TRPC7: variants seen among roughly 807,000 people sequenced by gnomAD.
TRPC7 encodes the protein short transient receptor potential channel 7.
A neutral mutation model predicts 90.1 loss-of-function variants in TRPC7; 42 were observed. That is an observed-to-expected ratio of 0.47 (90% CI 0.36 to 0.60). The LOEUF (loss-of-function observed/expected upper bound fraction) is 0.60. Ranked by LOEUF, TRPC7 falls within the 20% of genes least tolerant of loss-of-function variation. TRPC7 has a pLI of 0.00. For missense variants in TRPC7, 955 were observed against 1,112.3 expected, an observed-to-expected ratio of 0.86 and a Z score of 2.01; for synonymous variants, 451 against 436.3, an observed-to-expected ratio of 1.03 and a Z score of -0.42.
chr5:136,223,681 G>C (rs1029415453), intron 10 of TRPC7, among the ~76,000 whole-genome samples: 1 of 151,966 alleles, frequency 6.6e-6, no homozygotes, highest in Admixed American at 6.6e-5. Flanking sequence ...TTTCAGAAAG[G>C]ATTCATTCTG....
chr5:136,354,392 C>T (rs1251151570), intron 2 of TRPC7, among the ~76,000 whole-genome samples: 1 of 152,192 alleles, frequency 6.6e-6, no homozygotes, highest in African/African-American at 2.4e-5. Context: ...GTGGTTGGGT[C>T]TCAGATGGGG....
intron 2 of TRPC7, among the ~76,000 whole-genome samples, chr5:136,334,565 A>C (rs1759593958): frequency 6.6e-6 from 1 of 151,958 alleles, no homozygotes; most frequent in Admixed American, 6.6e-5. Flanking sequence ...CTCAAAAGCA[A>C]CTCCAGGATG....
chr5:136,303,249 C>G (rs977272748), intron 3 of TRPC7, among the ~76,000 whole-genome samples: 2 of 152,098 alleles, frequency 1.3e-5, no homozygotes, highest in South Asian at 4.2e-4. Context: ...TTGGCAGCAA[C>G]CCTGAGACAC....
At chr5:136,326,756 T>C (rs1251392656) in intron 2 of TRPC7, among the ~76,000 whole-genome samples, 2 of 152,128 alleles carry the variant, frequency 1.3e-5, no homozygotes, top group Non-Finnish European at 2.9e-5. Context: ...CAGGGTTGTG[T>C]TTTTGCCAAA....
chr5:136,320,003 A>G (rs2149841072), intron 2 of TRPC7, among the ~76,000 whole-genome samples: 1 of 152,296 alleles, frequency 6.6e-6, no homozygotes, highest in East Asian at 1.9e-4. Flanking sequence ...AGAGTCCAAA[A>G]TGTGTATCTT....
chr5:136,267,610 A>G (rs1757074933), intron 4 of TRPC7, among the ~76,000 whole-genome samples: 1 of 152,244 alleles, frequency 6.6e-6, no homozygotes, highest in South Asian at 2.1e-4. Context: ...CAACATTTAT[A>G]AATCAGATGG....
At chr5:136,234,049 C>T (rs1755905188) in intron 7 of TRPC7, among the ~76,000 whole-genome samples, 1 of 152,202 alleles carries the variant, frequency 6.6e-6, no homozygotes, top group South Asian at 2.1e-4. Flanking sequence ...CAGCTCAGGA[C>T]AATTAACCTG....
At chr5:136,312,402 G>A (rs1758861472) in intron 3 of TRPC7, among the ~76,000 whole-genome samples, 1 of 152,190 alleles carries the variant, frequency 6.6e-6, no homozygotes, top group African/African-American at 2.4e-5. Flanking sequence ...CTGAATGACA[G>A]CAATGATGCT....
intron 3 of TRPC7, among the ~76,000 whole-genome samples, chr5:136,298,505 A>C (rs3920073): frequency 7.2e-5 from 11 of 152,130 alleles, no homozygotes; most frequent in African/African-American, 2.2e-4. Flanking sequence ...AGGTGCACCC[A>C]CCTCCAGCTA....
At chr5:136,338,888 C>T (rs964596673) in intron 2 of TRPC7, among the ~76,000 whole-genome samples, 6 of 151,696 alleles carry the variant, frequency 4.0e-5, no homozygotes, top group African/African-American at 9.7e-5. Context: ...AAACCAAACA[C>T]GAAAATCATC....
chr5:136,277,531 A>T (rs1757405953), intron 3 of TRPC7, among the ~76,000 whole-genome samples: 1 of 152,162 alleles, frequency 6.6e-6, no homozygotes, highest in African/African-American at 2.4e-5. Context: ...TGAAGCATGA[A>T]AAAATATCAT....
At chr5:136,300,460 T>C (rs1381723088) in intron 3 of TRPC7, among the ~76,000 whole-genome samples, 2 of 152,226 alleles carry the variant, frequency 1.3e-5, no homozygotes, top group African/African-American at 2.4e-5. Context: ...CACTGGAAGC[T>C]ACTCGCCTCT....
At chr5:136,249,431 A>C (rs1756451272) in intron 6 of TRPC7, among the ~76,000 whole-genome samples, 1 of 152,266 alleles carries the variant, frequency 6.6e-6, no homozygotes, top group Non-Finnish European at 1.5e-5. Context: ...AGTAAGCAGA[A>C]TAAATTACAT....
At chr5:136,306,976 G>T (rs1758656507) in intron 3 of TRPC7, among the ~76,000 whole-genome samples, 1 of 152,210 alleles carries the variant, frequency 6.6e-6, no homozygotes, top group African/African-American at 2.4e-5. Flanking sequence ...CAGCCATGTT[G>T]CTCACACAAA....
At chr5:136,327,199 T>C (rs1759370293) in intron 2 of TRPC7, among the ~76,000 whole-genome samples, 1 of 152,032 alleles carries the variant, frequency 6.6e-6, no homozygotes, top group Non-Finnish European at 1.5e-5. Context: ...AGAACCAAAA[T>C]TGTGATAGAG....
At position 136,221,113 on chromosome 5, in the gene TRPC7, C is replaced by G. The variant is rs200507440; in HGVS notation, c.2343+4161G>C. On this transcript the variant is annotated intron_variant, in intron 10 of 11. Coordinates refer to ENST00000513104, the MANE Select transcript of TRPC7 (RefSeq NM_020389.3). ...GAAATGTGTGTGTGTGTGTATGTGT[C>G]TGTGTGTGTGTGTGTGTGTGTGTAT... 2.6e-3 allele frequency among the ~76,000 whole-genome samples: 393 copies of G among 148,782 alleles called. 1 individual carries two copies. The highest frequency in any genetic ancestry group is 0.011 in the East Asian group (58 of 5,062).
Position 136,226,137 on chromosome 5 carries a change from T to C in TRPC7, c.2159A>G (p.Tyr720Cys). The change falls in exon 9 of 12, where the codon TAT becomes TGT. Residue 720 changes from tyrosine (Y) to cysteine (C), a missense_variant. By Grantham distance (194) the Tyr-to-Cys change is radical. Coordinates refer to ENST00000513104, the MANE Select transcript of TRPC7 (RefSeq NM_020389.3). ...GCACATCTTGATTCTCATTATGAGA[T>C]AATAAAATGATTTAGGACTTGGCAC... The part of the protein sequence containing the change: ...NLVPSPKSFY[Y>C]LIMRIKMCLI... The C allele has an allele frequency of 1.3e-6, 2 of 1,585,540 alleles. No individual in the cohort carries two copies. Among genetic ancestry groups the C allele is most frequent in the Non-Finnish European group, 1.7e-6 (2 of 1,163,944 alleles).
Position 136,274,791 on chromosome 5 carries a change from T to C in TRPC7, c.1010A>G (p.Tyr337Cys), listed in dbSNP as rs1304438131. 1 of 1,592,102 alleles carries C rather than the reference T, an allele frequency of 6.3e-7. No individual in the cohort carries two copies. ...TTGACGTAAGCCTGAGAGATTTTCATACCACATGGTAAGCAATTGCTGCTG... is the reference window on the plus strand; with the variant it reads ...TTGACGTAAGCCTGAGAGATTTTCACACCACATGGTAAGCAATTGCTGCTG... ...NCQQQLLTMW[Y>C]ENLSGLRQQS... The change falls in exon 4 of 12, where the codon TAT (tyrosine) becomes TGT (cysteine). Residue 337 changes from tyrosine (Y) to cysteine (C), a missense_variant. Tyr to Cys is a radical substitution (Grantham distance 194). Transcript: ENST00000513104.
chr5:136,337,332 C>T (rs1447270129), intron 2 of TRPC7, among the ~76,000 whole-genome samples: 1 of 152,106 alleles, frequency 6.6e-6, no homozygotes, highest in African/African-American at 2.4e-5. Flanking sequence ...ATTTTCTCTT[C>T]CTGAACATTT....
Sources: gnomAD v4.1 joint callset for allele counts (sites outside exome capture counted in the v4.1 genomes callset) on GRCh38, gnomAD v4.1.1 for gene constraint, MANE v1.5 for transcripts, NCBI Gene and HGNC (gene_info 2026-07-23, HGNC 2026-07-21) for gene names.